Variants in GPR139 observed in about 807,000 individuals in gnomAD.
GPR139 encodes the protein G protein-coupled receptor 139.
In GPR139, 12 loss-of-function variants were observed where a neutral mutation model predicts 25.8. The ratio of observed to expected loss-of-function variants is 0.47; its 90% CI spans 0.30 to 0.75. GPR139 has a LOEUF of 0.75. GPR139 is among the 30% of genes least tolerant of loss of function. The pLI is 0.07. For missense variants in GPR139, 380 were observed against 450.2 expected (o/e 0.84, Z 1.41); for synonymous variants, 184 against 179.9 (o/e 1.02, Z -0.18).
chr16:20,061,496 T>C (rs2057414358), intron 1 of GPR139, among the ~76,000 whole-genome samples: 1 of 152,246 alleles, frequency 6.6e-6, no homozygotes. Context: ...AGTCAATGAA[T>C]GCAGGTGCAT....
intron 1 of GPR139, among the ~76,000 whole-genome samples, chr16:20,043,176 G>A (rs575986475): frequency 7.9e-5 from 12 of 152,298 alleles, no homozygotes; most frequent in African/African-American, 2.2e-4. Flanking sequence ...GTCAGCAGCC[G>A]GGCTGCAGGG....
At chr16:20,033,201 T>A (rs1340878954) in intron 1 of GPR139, among the ~76,000 whole-genome samples, 1 of 150,192 alleles carries the variant, frequency 6.7e-6, no homozygotes, top group African/African-American at 2.5e-5. Context: ...CCATGAGAGG[T>A]GATGCCGCCA....
intron 1 of GPR139, among the ~76,000 whole-genome samples, chr16:20,045,201 T>C (rs967262488): frequency 1.3e-5 from 2 of 152,034 alleles, no homozygotes; most frequent in Non-Finnish European, 2.9e-5. Flanking sequence ...GGTTTCACCA[T>C]GTTGGCCAGG....
chr16:20,045,131 C>T (rs1466794652), intron 1 of GPR139, among the ~76,000 whole-genome samples: 3 of 151,610 alleles, frequency 2.0e-5, no homozygotes, highest in African/African-American at 7.3e-5. Context: ...TCCCGAGATG[C>T]TGGGATTACA....
chr16:20,064,273 G>A, intron 1 of GPR139, among the ~76,000 whole-genome samples: 1 of 152,152 alleles, frequency 6.6e-6, no homozygotes, highest in East Asian at 1.9e-4. Context: ...GGCCATTACT[G>A]CTTATACCTG....
chr16:20,062,041 G>T (rs1451028651), intron 1 of GPR139, among the ~76,000 whole-genome samples: 1 of 152,184 alleles, frequency 6.6e-6, no homozygotes, highest in Admixed American at 6.5e-5. Context: ...ACTGAAGCAG[G>T]AGAATTACTT....
intron 1 of GPR139, among the ~76,000 whole-genome samples, chr16:20,050,635 C>A (rs1317609423): frequency 6.6e-6 from 1 of 152,172 alleles, no homozygotes; most frequent in Admixed American, 6.5e-5. Flanking sequence ...GGAGGGAGGC[C>A]TGGCTGGAGA....
chr16:20,060,911 CCTT>C (rs993499765), intron 1 of GPR139, among the ~76,000 whole-genome samples: 7 of 152,140 alleles, frequency 4.6e-5, no homozygotes, highest in Non-Finnish European at 7.3e-5. Flanking sequence ...TTCGATCACT[CCTT>C]CTTGAGGGGA....
chr16:20,038,281 T>C (rs997255551), intron 1 of GPR139, among the ~76,000 whole-genome samples: 5 of 150,698 alleles, frequency 3.3e-5, no homozygotes, highest in African/African-American at 7.3e-5. Context: ...GCTATATATA[T>C]ACACACACAC....
At chr16:20,052,210 T>C (rs72772736) in intron 1 of GPR139, among the ~76,000 whole-genome samples, 12,475 of 152,314 alleles carry the variant, frequency 0.082, 597 homozygotes, top group Non-Finnish European at 0.11. Flanking sequence ...GTCCATCATT[T>C]ATGAACCAGC....
At chr16:20,068,777 G>A (rs2057447117) in intron 1 of GPR139, among the ~76,000 whole-genome samples, 1 of 152,094 alleles carries the variant, frequency 6.6e-6, no homozygotes, top group African/African-American at 2.4e-5. Flanking sequence ...TCAAGTTAAA[G>A]AAGTTATTTT....
intron 1 of GPR139, among the ~76,000 whole-genome samples, chr16:20,063,961 G>A (rs1360566570): frequency 2.0e-5 from 3 of 152,182 alleles, no homozygotes; most frequent in East Asian, 3.9e-4. Context: ...CAATCATGGT[G>A]GAAGGTGAAG....
chr16:20,054,023 G>A (rs943512743), intron 1 of GPR139, among the ~76,000 whole-genome samples: 2 of 151,968 alleles, frequency 1.3e-5, no homozygotes, highest in Non-Finnish European at 2.9e-5. Context: ...TTGTTTCTTT[G>A]TGTGCTCATC....
At chr16:20,038,329 ATG>A (rs1555465698) in intron 1 of GPR139, among the ~76,000 whole-genome samples, 9,080 of 95,860 alleles carry the variant, frequency 0.095, 593 homozygotes, top group African/African-American at 0.19. Context: ...TAATATATAT[ATG>A]TGTGTGTGTG....
In GPR139 at chr16:20,032,824, A is replaced by G. The variant is rs113947551; in HGVS notation, c.128-155T>C. Among the ~76,000 whole-genome samples the G allele has an allele frequency of 6.1e-3, 926 of 152,334 alleles. 9 individuals carry two copies. Among genetic ancestry groups the G allele is most frequent in the African/African-American group, 0.02 (843 of 41,578 alleles). ...GGACAACCTCAGCATTACAAATAGC[A>G]CCTCATACAATTAGTGGATACTATT... On this transcript the variant is annotated intron_variant, in intron 1 of 1. Coordinates refer to ENST00000570682, the MANE Select transcript of GPR139 (RefSeq NM_001002911.4).
At chr16:20,046,303 G>C (rs768523481) in intron 1 of GPR139, among the ~76,000 whole-genome samples, 8 of 152,208 alleles carry the variant, frequency 5.3e-5, no homozygotes, top group Admixed American at 5.2e-4. Flanking sequence ...CACTGTTCCA[G>C]ACACAGAGAT....
intron 1 of GPR139, among the ~76,000 whole-genome samples, chr16:20,045,220 G>A (rs1389215775): frequency 2.0e-5 from 3 of 151,966 alleles, no homozygotes; most frequent in African/African-American, 4.8e-5. Context: ...GGCTGCTCTC[G>A]AACTCCTGAC....
chr16:20,042,041 AG>A (rs1030167115), intron 1 of GPR139, among the ~76,000 whole-genome samples: 2 of 152,142 alleles, frequency 1.3e-5, no homozygotes, highest in Non-Finnish European at 2.9e-5. Flanking sequence ...CGCTGTCTGG[AG>A]GCAGCCAGTC....
intron 1 of GPR139, among the ~76,000 whole-genome samples, chr16:20,048,548 A>C (rs1236221132): frequency 7.9e-5 from 12 of 152,216 alleles, no homozygotes. Context: ...CAGGAAATAT[A>C]AATGTGTGGG....
Sources: gnomAD v4.1 joint callset for allele counts (sites outside exome capture counted in the v4.1 genomes callset) on GRCh38, gnomAD v4.1.1 for gene constraint, MANE v1.5 for transcripts, NCBI Gene and HGNC (gene_info 2026-07-23, HGNC 2026-07-21) for gene names.